Variants in GRIK1 observed in about 807,000 individuals in gnomAD.
The protein encoded by GRIK1 is glutamate ionotropic receptor kainate type subunit 1.
GRIK1 carries 69 observed loss-of-function variants against 105.7 expected under a neutral mutation model. The ratio of observed to expected loss-of-function variants is 0.65; its 90% CI spans 0.54 to 0.80. The LOEUF is 0.80. Ranked by LOEUF, GRIK1 falls within the 30% of genes least tolerant of loss-of-function variation. The pLI is 0.00. For synonymous variants in GRIK1, 438 were observed against 431.3 expected (o/e 1.02, Z -0.19); for missense variants, 1,109 against 1,167.3 (o/e 0.95, Z 0.73).
chr21:29,620,232 C>G lies in GRIK1; in HGVS notation c.1099-21295G>C, dbSNP rs138490269. The stretch of plus-strand genomic sequence containing the variant: ...TCTTGAATTGGCCAGCAGGTAAAAG[C>G]AAGTATCAGCTCTGCAGTTTTCAAA... On this transcript the variant is annotated intron_variant, in intron 7 of 17. Coordinates refer to ENST00000327783, the MANE Select transcript of GRIK1 (RefSeq NM_001330994.2). 7.0e-4 allele frequency among the ~76,000 whole-genome samples: 107 copies of G among 152,278 alleles called. 1 individual carries two copies. The highest frequency in any genetic ancestry group is 2.3e-3 in the African/African-American group (95 of 41,548).
chr21:29,555,614 G>A (rs1165274974), intron 15 of GRIK1, among the ~76,000 whole-genome samples: 1 of 152,086 alleles, frequency 6.6e-6, no homozygotes, highest in Non-Finnish European at 1.5e-5. Flanking sequence ...CTTTTCACAT[G>A]TCAAGAGATT....
chr21:29,641,926 G>A (rs939361204), intron 7 of GRIK1, among the ~76,000 whole-genome samples: 5 of 152,104 alleles, frequency 3.3e-5, no homozygotes, highest in Admixed American at 3.3e-4. Flanking sequence ...ATTCTCCTGT[G>A]CCCTCCCTCT....
intron 9 of GRIK1, chr21:29,595,986 C>T (rs1455626021): frequency 5.1e-6 from 1 of 196,614 alleles, no homozygotes; most frequent in Non-Finnish European, 1.0e-5. Context: ...AAACAAATTG[C>T]AAGACAGTAT....
At chr21:29,848,779 A>ATATATATATATATATATATTTTTTTTTT in intron 1 of GRIK1, among the ~76,000 whole-genome samples, 26 of 77,852 alleles carry the variant, frequency 3.3e-4, no homozygotes, top group African/African-American at 1.2e-3. Flanking sequence ...ATATATATAT[A>ATATATATATATATATATATTTTTTTTTT]TTTTTTTTTT....
At chr21:29,742,396 T>C (rs986322258) in intron 1 of GRIK1, among the ~76,000 whole-genome samples, 2 of 152,168 alleles carry the variant, frequency 1.3e-5, no homozygotes, top group African/African-American at 4.8e-5. Flanking sequence ...AGTGAGCAGA[T>C]CCTTCAAGTA....
intron 3 of GRIK1, among the ~76,000 whole-genome samples, chr21:29,677,390 G>A (rs2063290571): frequency 6.6e-6 from 1 of 152,284 alleles, no homozygotes; most frequent in Non-Finnish European, 1.5e-5. Context: ...ACAGAAAGAA[G>A]GCTGTTTTTT....
At chr21:29,739,408 G>A (rs1270149366) in intron 1 of GRIK1, among the ~76,000 whole-genome samples, 1 of 152,184 alleles carries the variant, frequency 6.6e-6, no homozygotes, top group Non-Finnish European at 1.5e-5. Flanking sequence ...GTAGAGACAG[G>A]AAAGGGATGT....
chr21:29,927,418 GT>G (rs1264259404), intron 1 of GRIK1, among the ~76,000 whole-genome samples: 1 of 150,258 alleles, frequency 6.7e-6, no homozygotes, highest in African/African-American at 2.4e-5. Flanking sequence ...TGTAGTATAT[GT>G]TTTATATTCA....
chr21:29,619,145 AATG>A (rs2061925793), intron 7 of GRIK1, among the ~76,000 whole-genome samples: 1 of 134,454 alleles, frequency 7.4e-6, no homozygotes, highest in African/African-American at 2.9e-5. Context: ...AAAAAAAAAG[AATG>A]ATACAATGGG....
chr21:29,917,838 G>T (rs1009022659), intron 1 of GRIK1, among the ~76,000 whole-genome samples: 2 of 151,968 alleles, frequency 1.3e-5, no homozygotes, highest in Non-Finnish European at 2.9e-5. Flanking sequence ...TGAAACCAAA[G>T]ACATGTTTTT....
chr21:29,649,207 A>G (rs12482452), intron 6 of GRIK1, among the ~76,000 whole-genome samples: 53 of 152,198 alleles, frequency 3.5e-4, no homozygotes, highest in Non-Finnish European at 7.5e-4. Flanking sequence ...TACGCTTCAC[A>G]TAATTTCAAA....
chr21:29,654,831 A>G lies in GRIK1; in HGVS notation c.759T>C (p.Tyr253=). 6.3e-7 allele frequency: 1 copy of G among 1,586,192 alleles called. No homozygotes were observed. Among genetic ancestry groups the G allele is most frequent in the Non-Finnish European group, 8.7e-7 (1 of 1,154,480 alleles). The change falls in exon 5 of 18, where the codon TAT becomes TAC. Residue 253 remains tyrosine (Y), a synonymous_variant. Coordinates refer to ENST00000327783, the MANE Select transcript of GRIK1 (RefSeq NM_001330994.2). ...ILFMGMMTEY[Y]HYFFTTLDLF... is the part of the protein sequence containing the mutation. Reference sequence around the variant, plus strand: ...TTACCAGGGTTGTGAAAAAGTAGTGATAGTACTCGGTCATCATGCCCATGA... The same window carrying G: ...TTACCAGGGTTGTGAAAAAGTAGTGGTAGTACTCGGTCATCATGCCCATGA...
At chr21:29,794,277 A>T (rs2066499062) in intron 1 of GRIK1, among the ~76,000 whole-genome samples, 1 of 152,240 alleles carries the variant, frequency 6.6e-6, no homozygotes, top group South Asian at 2.1e-4. Flanking sequence ...AGTGCATAGA[A>T]ATCATCAATT....
chr21:29,826,621 T>G (rs2067464403), intron 1 of GRIK1, among the ~76,000 whole-genome samples: 1 of 152,074 alleles, frequency 6.6e-6, no homozygotes, highest in African/African-American at 2.4e-5. Context: ...CCAGCCCCCA[T>G]GATTGATGAG....
intron 1 of GRIK1, among the ~76,000 whole-genome samples, chr21:29,851,839 G>A (rs1569159741): frequency 6.6e-6 from 1 of 152,248 alleles, no homozygotes; most frequent in East Asian, 1.9e-4. Context: ...CCCCTTGGAC[G>A]AAATGTCCTG....
intron 4 of GRIK1, among the ~76,000 whole-genome samples, chr21:29,664,927 G>T (rs2063031271): frequency 6.6e-6 from 1 of 152,140 alleles, no homozygotes; most frequent in South Asian, 2.1e-4. Flanking sequence ...GCTGAAGTTT[G>T]TTGATCCAAT....
At chr21:29,799,496 TTTTGTTTG>T (rs71335096) in intron 1 of GRIK1, among the ~76,000 whole-genome samples, 3 of 151,606 alleles carry the variant, frequency 2.0e-5, no homozygotes, top group East Asian at 3.9e-4. Flanking sequence ...GCCCAGGTGT[TTTTGTTTG>T]TTTGTTTGTT....
rs187498836 is a variant in GRIK1 at position 29,831,243 on chromosome 21, G to T, written c.118+108140C>A. 1.4e-4 allele frequency among the ~76,000 whole-genome samples: 21 copies of T among 152,256 alleles called. No homozygotes were observed. The East Asian group carries it at 2.7e-3, about 20-fold the overall frequency. On this transcript the variant is annotated intron_variant, in intron 1 of 17. Coordinates refer to ENST00000327783, the MANE Select transcript of GRIK1 (RefSeq NM_001330994.2). ...TTGAGCAGCCCACTTGGTACTGTCTGGTTGGGCTCTTCTTTACTTCTGCAG... is the reference window on the plus strand; with the variant it reads ...TTGAGCAGCCCACTTGGTACTGTCTTGTTGGGCTCTTCTTTACTTCTGCAG...
At chr21:29,814,919 T>C (rs1023207324) in intron 1 of GRIK1, among the ~76,000 whole-genome samples, 3 of 152,144 alleles carry the variant, frequency 2.0e-5, no homozygotes, top group African/African-American at 4.8e-5. Flanking sequence ...CTTCCATCAC[T>C]TACCCGCCTG....
Sources: gnomAD v4.1 joint callset for allele counts (sites outside exome capture counted in the v4.1 genomes callset) on GRCh38, gnomAD v4.1.1 for gene constraint, MANE v1.5 for transcripts, NCBI Gene and HGNC (gene_info 2026-07-23, HGNC 2026-07-21) for gene names.